The following NLGN1 variants were observed in gnomAD, a reference collection of about 807,000 sequenced individuals.
NLGN1 encodes neuroligin-1.
NLGN1 carries 12 observed loss-of-function variants against 65.5 expected under a neutral mutation model. The observed-to-expected ratio is 0.18, with a 90% CI of 0.12 to 0.30. The LOEUF is 0.30. Among genes scored for constraint, NLGN1 ranks in the 10% least tolerant of loss-of-function variants. The pLI is 1.00. For missense variants in NLGN1, 750 were observed against 1,007.1 expected (o/e 0.74, Z 3.46); for synonymous variants, 350 against 359.5 (o/e 0.97, Z 0.30).
chr3:174,015,140 T>C (rs1488133362), intron 4 of NLGN1, among the ~76,000 whole-genome samples: 1 of 152,216 alleles, frequency 6.6e-6, no homozygotes, highest in Non-Finnish European at 1.5e-5. Flanking sequence ...TATGATAAAA[T>C]ACATTAGCCC....
At chr3:173,480,696 C>A (rs905978128) in intron 2 of NLGN1, among the ~76,000 whole-genome samples, 1 of 151,976 alleles carries the variant, frequency 6.6e-6, no homozygotes, top group Non-Finnish European at 1.5e-5. Context: ...TAGGTGATAG[C>A]TTTAGCTTTT....
chr3:173,984,474 C>G (rs1000851212), intron 4 of NLGN1, among the ~76,000 whole-genome samples: 1 of 152,116 alleles, frequency 6.6e-6, no homozygotes, highest in South Asian at 2.1e-4. Flanking sequence ...TCAAAAAATT[C>G]AAATTATTCT....
downstream of NLGN1, among the ~76,000 whole-genome samples, chr3:174,287,492 T>G (rs980106434): frequency 6.6e-6 from 1 of 151,720 alleles, no homozygotes; most frequent in Non-Finnish European, 1.5e-5. Context: ...AAATTTGGTG[T>G]TGTTTGATAT....
intron 4 of NLGN1, among the ~76,000 whole-genome samples, chr3:174,261,962 C>A (rs1224487935): frequency 6.9e-6 from 1 of 145,682 alleles, no homozygotes; most frequent in African/African-American, 2.6e-5. Context: ...TTGTCTTTGG[C>A]TCTGTTTATA....
chr3:173,495,316 AT>A (rs1218387088), intron 2 of NLGN1, among the ~76,000 whole-genome samples: 1 of 151,720 alleles, frequency 6.6e-6, no homozygotes, highest in Non-Finnish European at 1.5e-5. Flanking sequence ...AATATATACA[AT>A]TTTTATACAT....
intron 2 of NLGN1, among the ~76,000 whole-genome samples, chr3:173,601,966 A>G (rs1180407646): frequency 6.6e-6 from 1 of 152,064 alleles, no homozygotes; most frequent in Non-Finnish European, 1.5e-5. Context: ...ACTAGGATCA[A>G]TTTCTTAAAA....
At chr3:174,167,595 T>C (rs201589857) in intron 4 of NLGN1, among the ~76,000 whole-genome samples, 19,669 of 138,184 alleles carry the variant, frequency 0.14, 2,657 homozygotes, top group African/African-American at 0.39. Context: ...TCTGCCCCCT[T>C]TTTTTTTTTT....
intron 4 of NLGN1, among the ~76,000 whole-genome samples, chr3:174,187,992 T>C (rs976273886): frequency 1.3e-5 from 2 of 152,022 alleles, no homozygotes; most frequent in African/African-American, 4.8e-5. Context: ...ATCAACATAT[T>C]TTGCATGAAT....
chr3:174,244,743 A>G (rs1175406605), intron 4 of NLGN1, among the ~76,000 whole-genome samples: 1 of 152,160 alleles, frequency 6.6e-6, no homozygotes, highest in Non-Finnish European at 1.5e-5. Context: ...CTGACCAGAT[A>G]TTAGGACAAG....
chr3:173,575,481 C>T (rs1745368118), intron 2 of NLGN1, among the ~76,000 whole-genome samples: 2 of 152,050 alleles, frequency 1.3e-5, no homozygotes, highest in Admixed American at 1.3e-4. Flanking sequence ...TACCTTCAGG[C>T]ATTCTTATTT....
chr3:174,088,613 C>T (rs990756789), intron 4 of NLGN1, among the ~76,000 whole-genome samples: 10 of 151,670 alleles, frequency 6.6e-5, no homozygotes, highest in Non-Finnish European at 1.2e-4. Flanking sequence ...ATTAGCCGGG[C>T]GCGGTGGCAG....
chr3:174,047,531 CA>C (rs1352525792), intron 4 of NLGN1, among the ~76,000 whole-genome samples: 2 of 152,062 alleles, frequency 1.3e-5, no homozygotes, highest in Non-Finnish European at 2.9e-5. Flanking sequence ...TATTTTGAGA[CA>C]ATTTCTGTCC....
chr3:173,920,430 A>T (rs1016274616), intron 4 of NLGN1: 1 of 152,224 alleles, frequency 6.6e-6, no homozygotes, highest in Non-Finnish European at 1.5e-5. Flanking sequence ...ATATAAGAAA[A>T]ATAGAAGACA....
chr3:174,034,614 G>A (rs543987535), intron 4 of NLGN1, among the ~76,000 whole-genome samples: 33 of 152,108 alleles, frequency 2.2e-4, no homozygotes, highest in Non-Finnish European at 2.9e-4. Context: ...GTTATTTGAA[G>A]GTAGACATCG....
intron 4 of NLGN1, among the ~76,000 whole-genome samples, chr3:174,112,664 C>T (rs937469504): frequency 6.6e-6 from 1 of 151,804 alleles, no homozygotes; most frequent in African/African-American, 2.4e-5. Flanking sequence ...TCATTACTTC[C>T]GCTTAAAATG....
chr3:173,578,820 G>A (rs1476000350), intron 2 of NLGN1, among the ~76,000 whole-genome samples: 2 of 152,130 alleles, frequency 1.3e-5, no homozygotes, highest in Non-Finnish European at 1.5e-5. Context: ...CGTAAATACT[G>A]CCTCACAAAT....
At chr3:173,647,942 C>G (rs563806466) in intron 3 of NLGN1, among the ~76,000 whole-genome samples, 1 of 152,138 alleles carries the variant, frequency 6.6e-6, no homozygotes, top group East Asian at 1.9e-4. Context: ...ACAAAAGAGG[C>G]ACTATTATTA....
chr3:173,902,587 A>G (rs1331679973), intron 4 of NLGN1, among the ~76,000 whole-genome samples: 1 of 152,034 alleles, frequency 6.6e-6, no homozygotes, highest in Non-Finnish European at 1.5e-5. Context: ...TACTCAAACC[A>G]GTTTTTAAGT....
At chr3:173,786,267 G>C (rs1781941930) in intron 3 of NLGN1, among the ~76,000 whole-genome samples, 2 of 152,162 alleles carry the variant, frequency 1.3e-5, no homozygotes, top group Non-Finnish European at 2.9e-5. Flanking sequence ...ATGGCTGTGA[G>C]TTTTGTACAT....
Sources: allele counts gnomAD v4.1 joint callset (sites outside exome capture counted in the v4.1 genomes callset), GRCh38; gene constraint gnomAD v4.1.1; transcripts MANE v1.5; gene names NCBI Gene and HGNC (gene_info 2026-07-23, HGNC 2026-07-21).